Variants in NFATC1 observed in about 807,000 individuals in gnomAD.
NFATC1 encodes nuclear factor of activated T-cells, cytoplasmic 1.
In NFATC1, 22 loss-of-function variants were observed where a neutral mutation model predicts 76.0. That is an observed-to-expected ratio of 0.29 (90% confidence interval 0.21 to 0.41). The LOEUF is 0.41. Among genes scored for constraint, NFATC1 ranks in the 10% least tolerant of loss-of-function variants. NFATC1 has a pLI of 1.00. For synonymous variants in NFATC1, 704 were observed against 613.1 expected, an observed-to-expected ratio of 1.15 and a Z score of -2.19; for missense variants, 1,357 against 1,337.7, an observed-to-expected ratio of 1.01 and a Z score of -0.23.
At chr18:79,512,390 G>A (rs552221005) in intron 9 of NFATC1, among the ~76,000 whole-genome samples, 57 of 152,262 alleles carry the variant, frequency 3.7e-4, no homozygotes, top group African/African-American at 1.2e-3. Flanking sequence ...TTATGAGAAC[G>A]GCAGCCACTC....
chr18:79,495,288 C>A (rs112742202), intron 9 of NFATC1, among the ~76,000 whole-genome samples: 140 of 152,312 alleles, frequency 9.2e-4, no homozygotes, highest in African/African-American at 3.3e-3. Context: ...CTCCTTGGGG[C>A]CTGTGAGGTT....
intron 9 of NFATC1, among the ~76,000 whole-genome samples, chr18:79,505,612 G>C (rs1464901384): frequency 7.0e-6 from 1 of 142,860 alleles, no homozygotes; most frequent in Admixed American, 6.8e-5. Context: ...TGATGGAAGA[G>C]GCAGGAGACT....
intron 2 of NFATC1, among the ~76,000 whole-genome samples, chr18:79,423,204 A>C (rs1245516468): frequency 6.6e-6 from 1 of 152,188 alleles, no homozygotes; most frequent in Non-Finnish European, 1.5e-5. Context: ...ACGGGACGCC[A>C]TCAGTTTTTA....
chr18:79,410,096 C>T lies in NFATC1; in HGVS notation c.128-307C>T, dbSNP rs112920048. On this transcript the variant is annotated intron_variant, in intron 1 of 9. Transcript: ENST00000427363. This position sits in a 1 kb window ranked among gnomAD's most constrained non-coding sequence, Gnocchi z 6.7. ...GGGAAGGTGGTTTTTGAATGAAGAGCGGAACCCGTGAGGACCCGGCCGCCT... is the reference window on the plus strand; with the variant it reads ...GGGAAGGTGGTTTTTGAATGAAGAGTGGAACCCGTGAGGACCCGGCCGCCT... 4.1e-5 allele frequency: 29 copies of T among 702,108 alleles called. No individual in the cohort carries two copies. The highest frequency in any genetic ancestry group is 8.3e-5 in the East Asian group (3 of 35,964). The allele number at this position is 702,108 out of a possible 1,614,324, so 43.5% of individuals were successfully genotyped here.
At chr18:79,406,743 GGCCT>G (rs2085453310) in intron 1 of NFATC1, among the ~76,000 whole-genome samples, 1 of 152,090 alleles carries the variant, frequency 6.6e-6, no homozygotes, top group African/African-American at 2.4e-5. Context: ...AGGAGCCGCA[GGCCT>G]GCGCTCGACA....
At chr18:79,516,287 G>A (rs1600983910) in intron 9 of NFATC1, among the ~76,000 whole-genome samples, 1 of 152,146 alleles carries the variant, frequency 6.6e-6, no homozygotes, top group East Asian at 1.9e-4. Context: ...TCCAAAAATA[G>A]CAGGCCCTGT....
chr18:79,480,455 C>T (rs978543338), intron 8 of NFATC1, among the ~76,000 whole-genome samples: 16 of 152,094 alleles, frequency 1.1e-4, no homozygotes, highest in Non-Finnish European at 1.8e-4. Context: ...GCAAGCAGCC[C>T]GTGCGTCCCG....
At chr18:79,503,538 G>A (rs961059362) in intron 9 of NFATC1, among the ~76,000 whole-genome samples, 11 of 152,346 alleles carry the variant, frequency 7.2e-5, no homozygotes, top group Non-Finnish European at 1.5e-4. Flanking sequence ...CAGAGGTGCC[G>A]TCATCCGGGC....
intron 9 of NFATC1, among the ~76,000 whole-genome samples, chr18:79,520,713 GT>G (rs1450683855): frequency 2.1e-4 from 6 of 28,016 alleles, no homozygotes; most frequent in Non-Finnish European, 5.0e-4. Context: ...ATATGTGTGT[GT>G]GGGGGGGGGG....
rs1252382561 is a variant in NFATC1, at chr18:79,400,421, C to T, written c.127+4070C>T. ...CGGGGCTGGAGGACCAGGAGTTCGA[C>T]TTCGAGTTCCTCTTCGAGTTTAACC... On this transcript the variant is annotated intron_variant, in intron 1 of 9. Transcript: ENST00000427363. The T allele has an allele frequency of 4.0e-6, 6 of 1,496,012 alleles. No homozygotes were observed. The South Asian group carries it at 7.6e-5, about 19-fold the overall frequency. The allele number at this position is 1,496,012 out of a possible 1,614,324, so 92.7% of individuals were successfully genotyped here. A position where few individuals can be genotyped will look rare whatever the true frequency, so the allele number is the denominator to read the frequency against.
chr18:79,411,361 C>CCCGGCCGACTTCGCG lies in NFATC1; in HGVS notation c.1089_1103dup (p.Ala364_Pro368dup), dbSNP rs763753302. ...GGGAGGACCTGGGCAGCCCCCCGCC[C>CCCGGCCGACTTCGCG]CCGGCCGACTTCGCGCCCGAAGACT... On this transcript the variant is annotated inframe_insertion, in exon 2 of 10. Coordinates refer to ENST00000427363, the MANE Select transcript of NFATC1 (RefSeq NM_001278669.2). 12 of 1,589,306 alleles carry CCCGGCCGACTTCGCG rather than the reference C, an allele frequency of 7.6e-6. No homozygotes were observed. Among genetic ancestry groups the CCCGGCCGACTTCGCG allele is most frequent in the Non-Finnish European group, 1.0e-5 (12 of 1,170,284 alleles).
chr18:79,450,497 G>A (rs1020937935), intron 4 of NFATC1, among the ~76,000 whole-genome samples: 2 of 151,118 alleles, frequency 1.3e-5, no homozygotes, highest in Admixed American at 6.6e-5. Flanking sequence ...TGAGCTTTTT[G>A]GGAACTACTC....
chr18:79,438,805 G>A (rs556651494), intron 3 of NFATC1, among the ~76,000 whole-genome samples: 2 of 152,318 alleles, frequency 1.3e-5, no homozygotes, highest in African/African-American at 4.8e-5. Context: ...AGCTCAGGAC[G>A]CAGGGTGGGG....
intron 1 of NFATC1, among the ~76,000 whole-genome samples, chr18:79,409,616 C>G (rs2085586977): frequency 6.6e-6 from 1 of 152,208 alleles, no homozygotes; most frequent in South Asian, 2.1e-4. Flanking sequence ...TCTACCTACT[C>G]TCCATCTACC....
At chr18:79,506,271 G>A (rs567938528) in intron 9 of NFATC1, among the ~76,000 whole-genome samples, 5 of 152,234 alleles carry the variant, frequency 3.3e-5, no homozygotes, top group Admixed American at 6.5e-5. Context: ...GCCGAGCAGC[G>A]GCTGTGGGCA....
intron 3 of NFATC1, among the ~76,000 whole-genome samples, chr18:79,438,463 G>A (rs1339441853): frequency 4.6e-5 from 7 of 152,180 alleles, no homozygotes; most frequent in African/African-American, 1.4e-4. Context: ...CTGACCCAGG[G>A]GTCAAATAAC....
At chr18:79,508,311 C>T (rs544259140) in intron 9 of NFATC1, among the ~76,000 whole-genome samples, 5 of 152,040 alleles carry the variant, frequency 3.3e-5, no homozygotes, top group African/African-American at 9.7e-5. Flanking sequence ...CAGAGGGTGC[C>T]GGGCAGGAGG....
intron 2 of NFATC1, among the ~76,000 whole-genome samples, chr18:79,416,190 A>C (rs1327160498): frequency 6.6e-6 from 1 of 152,160 alleles, no homozygotes; most frequent in Non-Finnish European, 1.5e-5. Context: ...GAAAACGTTC[A>C]CTCTCTTGTG....
chr18:79,432,908 A>G (rs2144663253), intron 2 of NFATC1, among the ~76,000 whole-genome samples: 1 of 152,286 alleles, frequency 6.6e-6, no homozygotes, highest in African/African-American at 2.4e-5. Flanking sequence ...GGCTCTGAGG[A>G]CAGCCCCAGC....
Sources: allele counts gnomAD v4.1 joint callset (sites outside exome capture counted in the v4.1 genomes callset), GRCh38; gene constraint gnomAD v4.1.1; non-coding constraint Gnocchi (gnomAD v3.1); transcripts MANE v1.5; gene names NCBI Gene and HGNC (gene_info 2026-07-23, HGNC 2026-07-21).